The following ZNF449 variants were observed in gnomAD, a reference collection of about 807,000 sequenced individuals.
The protein encoded by ZNF449 is zinc finger protein 449, also known as zinc finger and SCAN domain-containing protein 19.
Under a neutral mutation model 32.6 loss-of-function variants are expected in ZNF449, and 4 were observed. The ratio of observed to expected loss-of-function variants is 0.12; its 90% CI spans 0.06 to 0.28. The LOEUF (loss-of-function observed/expected upper bound fraction) is 0.28. ZNF449 is among the 10% of genes least tolerant of loss of function. ZNF449 has a pLI of 1.00. For missense variants in ZNF449, 275 were observed against 383.2 expected (o/e 0.72, Z 2.36); for synonymous variants, 123 against 132.2 (o/e 0.93, Z 0.48).
intron 3 of ZNF449, among the ~76,000 whole-genome samples, chrX:135,351,950 G>A (rs1556450549): frequency 2.7e-5 from 3 of 111,803 alleles, no homozygotes; most frequent in Non-Finnish European, 5.7e-5. Flanking sequence ...CAAATTGGAG[G>A]ACAGGAAATT....
rs2084957714 is a variant in ZNF449, at chrX:135,363,410, G to C, written c.*2334G>C. ...TACTTGACTAGATTTTTACAAGTTA[G>C]AGAATGTCTAATATTCTTTGTTACA... On this transcript the variant is annotated 3_prime_UTR_variant, in exon 5 of 5. Coordinates refer to ENST00000339249, the MANE Select transcript of ZNF449 (RefSeq NM_152695.6). 8.9e-6 allele frequency among the ~76,000 whole-genome samples: 1 copy of C among 112,055 alleles called. No homozygotes were observed. Among genetic ancestry groups the C allele is most frequent in the Non-Finnish European group, 1.9e-5 (1 of 53,167 alleles).
intron 2 of ZNF449, chrX:135,348,235 C>G (rs2084862094): frequency 8.0e-6 from 1 of 124,860 alleles, no homozygotes; most frequent in African/African-American, 3.2e-5. Context: ...TAGTGCATTC[C>G]TAGAAAATTT....
At position 135,361,131 on chromosome X, in the gene ZNF449, T is replaced by G; in HGVS notation, c.*55T>G. 1 of 1,033,278 alleles carries G rather than the reference T, an allele frequency of 9.7e-7. No individual in the cohort carries two copies. Among genetic ancestry groups the G allele is most frequent in the South Asian group, 2.7e-5 (1 of 37,311 alleles). 85.2% of individuals were successfully genotyped at this position (1,033,278 alleles called of 1,213,427 possible). ...AATTGACACTAACTCAAAAAAAATC[T>G]TAACCTGCAGCAGGCTGTTTGTCTT... On this transcript the variant is annotated 3_prime_UTR_variant, in exon 5 of 5. Transcript: ENST00000339249.
chrX:135,358,092 A>T (rs1474397245), intron 3 of ZNF449, among the ~76,000 whole-genome samples: 2 of 110,713 alleles, frequency 1.8e-5, no homozygotes, highest in Non-Finnish European at 1.9e-5. Context: ...AATATTTCTC[A>T]TGTAATATTT....
Position 135,360,971 on chromosome X carries a change from C to A in ZNF449, c.1452C>A (p.Ile484=). 1 of 1,211,013 alleles carries A rather than the reference C, an allele frequency of 8.3e-7. No homozygotes were observed. The highest frequency in any genetic ancestry group is 1.1e-6 in the Non-Finnish European group (1 of 895,044). Residue 484 remains isoleucine, a synonymous_variant, in exon 5 of 5, where the codon ATC becomes ATA. Transcript: ENST00000339249. ...CAAGCCTCGTTATTCATTTAAGAAT[C>A]CACACAGGGGAGAAGCCATACAAGT... ...QRPSLVIHLR[I]HTGEKPYKCT...
chrX:135,353,344 G>A (rs191003156), intron 3 of ZNF449, among the ~76,000 whole-genome samples: 46 of 111,384 alleles, frequency 4.1e-4, no homozygotes, highest in African/African-American at 1.5e-3. Flanking sequence ...AAAGAATACC[G>A]AAGAATTTGG....
At chrX:135,349,459 A>G in intron 3 of ZNF449, 145 bp downstream of exon 3, 1 of 565,040 alleles carries the variant, frequency 1.8e-6, no homozygotes, top group Non-Finnish European at 2.8e-6. Context: ...CTCTGGGAAT[A>G]GTAGGGAACA....
At chrX:135,345,275 A>G (rs1361928977) in intron 1 of ZNF449, among the ~76,000 whole-genome samples, 2 of 112,767 alleles carry the variant, frequency 1.8e-5, no homozygotes, top group Admixed American at 1.9e-4. Flanking sequence ...CACTGGTCCC[A>G]CAGTGAAATG....
In ZNF449 at chrX:135,357,658, C is replaced by G. The variant is rs1008719866; in HGVS notation, c.560-2234C>G. 8.1e-5 allele frequency among the ~76,000 whole-genome samples: 9 copies of G among 111,398 alleles called. No homozygotes were observed. In the South Asian group the frequency reaches 1.9e-3, roughly 23 times the overall value. ...GAGTTTTGTTTTATATATTTTAGTA[C>G]TCAGAAATTAAGTGCATACATGATT... On this transcript the variant is annotated intron_variant, in intron 3 of 4. Coordinates refer to ENST00000339249, the MANE Select transcript of ZNF449 (RefSeq NM_152695.6).
At chrX:135,355,726 T>C (rs2084913649) in intron 3 of ZNF449, among the ~76,000 whole-genome samples, 2 of 111,838 alleles carry the variant, frequency 1.8e-5, no homozygotes, top group African/African-American at 6.5e-5. Context: ...TCACATACCA[T>C]ACATTGTCAC....
Position 135,347,042 on chromosome X carries a change from C to T in ZNF449, c.-77C>T. 9.4e-7 allele frequency: 1 copy of T among 1,064,355 alleles called. No individual in the cohort carries two copies. The highest frequency in any genetic ancestry group is 1.3e-6 in the Non-Finnish European group (1 of 792,198). The allele number at this position is 1,064,355 out of a possible 1,213,427, so 87.7% of individuals were successfully genotyped here. A position where few individuals can be genotyped will look rare whatever the true frequency, so the allele number is the denominator to read the frequency against. ...AGCTGTAGGTGGCTCCCTCCCACCC[C>T]AACGATTTCAGAGAGAAACAAGTCG... On this transcript the variant is annotated 5_prime_UTR_variant, in exon 2 of 5. Coordinates refer to ENST00000339249, the MANE Select transcript of ZNF449 (RefSeq NM_152695.6).
intron 1 of ZNF449, among the ~76,000 whole-genome samples, chrX:135,345,375 G>A (rs2148502190): frequency 8.9e-6 from 1 of 111,857 alleles, no homozygotes; most frequent in African/African-American, 3.2e-5. Context: ...AGTCAGGGAA[G>A]GGCTGACCAG....
At chrX:135,354,861 A>G (rs1251653767) in intron 3 of ZNF449, among the ~76,000 whole-genome samples, 1 of 111,694 alleles carries the variant, frequency 9.0e-6, no homozygotes, top group Middle Eastern at 4.6e-3. Context: ...GGCTACTTTT[A>G]GTCCTTCAGC....
chrX:135,362,108 G>A lies in ZNF449; in HGVS notation c.*1032G>A, dbSNP rs886192532. On this transcript the variant is annotated 3_prime_UTR_variant, in exon 5 of 5. Transcript: ENST00000339249. Reference sequence around the variant, plus strand: ...AGATATTTCTATAGCTGTCAGTATAGTTATGTTGCTCCCAAGCCTAGTTAT... The same window carrying A: ...AGATATTTCTATAGCTGTCAGTATAATTATGTTGCTCCCAAGCCTAGTTAT... The A allele has an allele frequency of 1.8e-5, 2 of 111,768 alleles. No homozygotes were observed. The highest frequency in any genetic ancestry group is 6.5e-5 in the African/African-American group (2 of 30,802). The allele number at this position is 111,768 out of a possible 1,213,427, so 9.2% of individuals were successfully genotyped here. A position where few individuals can be genotyped will look rare whatever the true frequency, so the allele number is the denominator to read the frequency against.
chrX:135,351,437 G>C (rs1298172917), intron 3 of ZNF449, among the ~76,000 whole-genome samples: 2 of 110,860 alleles, frequency 1.8e-5, no homozygotes, highest in Non-Finnish European at 3.8e-5. Context: ...TCACTGACAT[G>C]ACAAACAAAA....
chrX:135,354,142 T>C (rs1556451139), intron 3 of ZNF449, among the ~76,000 whole-genome samples: 2 of 112,473 alleles, frequency 1.8e-5, no homozygotes, highest in East Asian at 2.8e-4. Flanking sequence ...AAAACTTTAA[T>C]AGATATTGTC....
rs782382963 is a variant in ZNF449 at position 135,347,595 on chromosome X, C to A, written c.354+123C>A. 2.8e-5 allele frequency: 33 copies of A among 1,164,053 alleles called. No individual in the cohort carries two copies. In the East Asian group the frequency reaches 1.1e-3, roughly 38 times the overall value. On this transcript the variant is annotated intron_variant, in intron 2 of 4. Transcript: ENST00000339249. ...CTCAAGATTTCTCCAGAGTCCTCTT[C>A]CTTTTTCTCTTCTGCTGAACTCAGC... is the stretch of plus-strand genomic sequence containing the variant.
rs781880838 is a variant in ZNF449, at chrX:135,360,406, G to C, written c.887G>C (p.Gly296Ala). Residue 296 changes from glycine to alanine, a missense_variant, in exon 5 of 5, where the codon GGA (glycine) becomes GCA (alanine). By Grantham distance (60) the Gly-to-Ala change is moderately conservative. Transcript: ENST00000339249. ...KLVDQQNPTL[G>A]ETPENSNLEE... Reference sequence around the variant, plus strand: ...GTAGATCAGCAGAACCCCACTCTGGGAGAGACACCTGAGAACTCCAACTTG... The same window carrying C: ...GTAGATCAGCAGAACCCCACTCTGGCAGAGACACCTGAGAACTCCAACTTG... The C allele has an allele frequency of 9.9e-6, 12 of 1,209,272 alleles. No homozygotes were observed. The Admixed American group carries it at 1.5e-4, about 15-fold the overall frequency.
At chrX:135,345,497 A>G (rs1556447751) in intron 1 of ZNF449, among the ~76,000 whole-genome samples, 1 of 112,251 alleles carries the variant, frequency 8.9e-6, no homozygotes, top group South Asian at 3.7e-4. Context: ...GAGGCCCCCT[A>G]GGAATGACTC....
Sources: allele counts gnomAD v4.1 joint callset (sites outside exome capture counted in the v4.1 genomes callset), GRCh38; gene constraint gnomAD v4.1.1; transcripts MANE v1.5; gene names NCBI Gene and HGNC (gene_info 2026-07-23, HGNC 2026-07-21).